The following DNMT1 variants were observed in gnomAD, a reference collection of about 807,000 sequenced individuals.
DNMT1 encodes DNA methyltransferase 1.
DNMT1 carries 24 observed loss-of-function variants against 205.3 expected under a neutral mutation model. The ratio of observed to expected loss-of-function variants is 0.12; its 90% CI spans 0.08 to 0.16. DNMT1 has a LOEUF of 0.16. Ranked by LOEUF, DNMT1 falls within the 10% of genes least tolerant of loss-of-function variation. The pLI is 1.00. For synonymous variants in DNMT1, 817 were observed against 839.8 expected (o/e 0.97, Z 0.47); for missense variants, 1,293 against 2,177.7 (o/e 0.59, Z 8.09).
Position 10,159,973 on chromosome 19 carries a change from G to T in DNMT1, c.1089+45C>A. The T allele has an allele frequency of 1.2e-6, 2 of 1,614,172 alleles. No homozygotes were observed. The highest frequency in any genetic ancestry group is 1.7e-6 in the Non-Finnish European group (2 of 1,180,034). On this transcript the variant is annotated intron_variant, in intron 15 of 40. Coordinates refer to ENST00000359526, the MANE Select transcript of DNMT1 (RefSeq NM_001130823.3). This position sits in a 1 kb window ranked among gnomAD's most constrained non-coding sequence, Gnocchi z 5.0. ...GGCACTCAGAGAGCAGCTCCCAGCC[G>T]CCTCGTGAGCGCCGCCACCGGCTTT...
At chr19:10,170,212 G>C (rs189946057) in intron 9 of DNMT1, among the ~76,000 whole-genome samples, 17 of 152,156 alleles carry the variant, frequency 1.1e-4, no homozygotes, top group African/African-American at 2.9e-4. Context: ...TGGAACCCAG[G>C]GGGTGGAGGT....
In DNMT1 at chr19:10,138,122, G is replaced by A. The variant is rs2089529511; in HGVS notation, c.4116-113C>T. 3.8e-6 allele frequency: 5 copies of A among 1,329,282 alleles called. No homozygotes were observed. Among genetic ancestry groups the A allele is most frequent in the Non-Finnish European group, 1.0e-6 (1 of 958,380 alleles). 82.3% of individuals were successfully genotyped at this position (1,329,282 alleles called of 1,614,324 possible). A position where few individuals can be genotyped will look rare whatever the true frequency, so the allele number is the denominator to read the frequency against. On this transcript the variant is annotated intron_variant, in intron 35 of 40. Coordinates refer to ENST00000359526, the MANE Select transcript of DNMT1 (RefSeq NM_001130823.3). This position sits in a 1 kb window ranked among gnomAD's most constrained non-coding sequence, Gnocchi z 4.1. ...GGCCTTCTCCCGAGATCACAGCACTGCCCGAGGTCACATGGGTGGCAGTGT... is the reference window on the plus strand; with the variant it reads ...GGCCTTCTCCCGAGATCACAGCACTACCCGAGGTCACATGGGTGGCAGTGT...
intron 24 of DNMT1, among the ~76,000 whole-genome samples, chr19:10,150,227 C>T (rs988125651): frequency 2.0e-5 from 3 of 152,184 alleles, no homozygotes; most frequent in Non-Finnish European, 2.9e-5. Context: ...ACTCGGGTCC[C>T]AGGATTTGAT....
chr19:10,160,183 G>A, intron 14 of DNMT1, 120 bp from the exon 15 acceptor site: 2 of 1,572,914 alleles, frequency 1.3e-6, no homozygotes, highest in East Asian at 2.3e-5. Context: ...GGCTGTGGCA[G>A]TGAGGCCCAG....
At position 10,163,083 on chromosome 19, in the gene DNMT1, T is replaced by G. The variant is rs577132075; in HGVS notation, c.926+243A>C. 5.1e-5 allele frequency: 29 copies of G among 570,512 alleles called. No individual in the cohort carries two copies. The East Asian group carries it at 8.5e-4, about 17-fold the overall frequency. The allele number at this position is 570,512 out of a possible 1,614,324, so 35.3% of individuals were successfully genotyped here. A position where few individuals can be genotyped will look rare whatever the true frequency, so the allele number is the denominator to read the frequency against. On this transcript the variant is annotated intron_variant, in intron 12 of 40. Coordinates refer to ENST00000359526, the MANE Select transcript of DNMT1 (RefSeq NM_001130823.3). ...GGCTTCTAGCAGTTCTGCCTCAGCC[T>G]TCCGAGTAGCTGGGATTATAGGCAC... is the stretch of plus-strand genomic sequence containing the variant.
At position 10,160,185 on chromosome 19, in the gene DNMT1, G is replaced by T; in HGVS notation, c.1044-122C>A. On this transcript the variant is annotated intron_variant, in intron 14 of 40. Transcript: ENST00000359526. The stretch of plus-strand genomic sequence containing the variant: ...ACAGGGAGGCACCGGCTGTGGCAGT[G>T]AGGCCCAGGCGCGTGGTCACAGTGG... 16 of 1,571,666 alleles carry T rather than the reference G, an allele frequency of 1.0e-5. 1 individual carries two copies. In the South Asian group the frequency reaches 1.8e-4, roughly 18 times the overall value.
chr19:10,156,062 TCACA>T lies in DNMT1; in HGVS notation c.1400-121_1400-118del. On this transcript the variant is annotated intron_variant, in intron 18 of 40. Coordinates refer to ENST00000359526, the MANE Select transcript of DNMT1 (RefSeq NM_001130823.3). This position sits in a 1 kb window ranked among gnomAD's most constrained non-coding sequence, Gnocchi z 4.2. ...AGCCAGGTCGGGTGCTCCTCAGTCA[TCACA>T]ATGACTTGGCCTACAGCTGCTCCTG... The T allele has an allele frequency of 4.8e-6, 5 of 1,043,222 alleles. No individual in the cohort carries two copies. The highest frequency in any genetic ancestry group is 7.2e-6 in the Non-Finnish European group (5 of 695,616). The allele number at this position is 1,043,222 out of a possible 1,614,324, so 64.6% of individuals were successfully genotyped here.
intron 26 of DNMT1, 87 bp from the exon 27 acceptor site, chr19:10,149,104 A>G: frequency 1.3e-6 from 2 of 1,561,980 alleles, no homozygotes; most frequent in Non-Finnish European, 1.7e-6. Flanking sequence ...CGGGTGGATC[A>G]CCTAAGGTCA....
chr19:10,151,775 T>A lies in DNMT1; in HGVS notation c.2092A>T (p.Ser698Cys), dbSNP rs1029809799. 2.5e-6 allele frequency: 4 copies of A among 1,614,186 alleles called. No individual in the cohort carries two copies. Among genetic ancestry groups the A allele is most frequent in the Non-Finnish European group, 3.4e-6 (4 of 1,180,038 alleles). Residue 698 changes from serine (S) to cysteine (C), a missense_variant, in exon 23 of 41, where the codon AGC (serine) becomes TGC (cysteine). This residue lies in a region of DNMT1 where 197 missense variants were observed against 353.6 expected (regional missense o/e 0.56). Transcript: ENST00000359526. This position sits in a 1 kb window ranked among gnomAD's most constrained non-coding sequence, Gnocchi z 5.0. Reference protein sequence around the residue: ...DMVKFGGSGRSKQACQERRCP... With the variant: ...DMVKFGGSGRCKQACQERRCP... ...CTCCGCTCTTGGCAAGCCTGCTTGC[T>A]CCGTCCACTGCCACCAAATTTAACC... is the stretch of plus-strand genomic sequence containing the variant.
At chr19:10,181,147 T>C (rs928113704) in intron 2 of DNMT1, among the ~76,000 whole-genome samples, 8 of 152,140 alleles carry the variant, frequency 5.3e-5, no homozygotes, top group African/African-American at 1.9e-4. Context: ...AATAATACTG[T>C]GCTTCTGTAA....
In DNMT1 at chr19:10,140,691, G is replaced by C. The variant is rs10408180; in HGVS notation, c.3523+90C>G. The C allele has an allele frequency of 2.9e-3, 4,637 of 1,606,126 alleles. 118 individuals are homozygous for C. The African/African-American group carries it at 0.054, about 19-fold the overall frequency. On this transcript the variant is annotated intron_variant, in intron 32 of 40. Coordinates refer to ENST00000359526, the MANE Select transcript of DNMT1 (RefSeq NM_001130823.3). This position sits in a 1 kb window ranked among gnomAD's most constrained non-coding sequence, Gnocchi z 8.4. ...CCTCGGAAGGAGATTCTTGAGTCAG[G>C]AAGGTGACCGGGGTTGGAAGTCGTT...
chr19:10,172,984 C>T, intron 9 of DNMT1, 106 bp downstream of exon 9: 1 of 1,328,754 alleles, frequency 7.5e-7, no homozygotes, highest in East Asian at 2.3e-5. Context: ...CAAAACCCAT[C>T]TTGTTCTTCC....
chr19:10,152,936 C>CG (rs1456214029), intron 22 of DNMT1, among the ~76,000 whole-genome samples: 1 of 72,588 alleles, frequency 1.4e-5, no homozygotes, highest in East Asian at 2.9e-4. Flanking sequence ...CCTGTCTCTA[C>CG]AAAAAAAAAA....
intron 28 of DNMT1, among the ~76,000 whole-genome samples, chr19:10,145,225 G>C (rs113415355): frequency 6.6e-6 from 1 of 152,232 alleles, no homozygotes; most frequent in African/African-American, 2.4e-5. Flanking sequence ...AGGCCCCCCA[G>C]GAGTCTGACG....
At chr19:10,171,518 A>G (rs1008345963) in intron 9 of DNMT1, among the ~76,000 whole-genome samples, 6 of 152,094 alleles carry the variant, frequency 3.9e-5, no homozygotes, top group African/African-American at 1.4e-4. Context: ...TAAAAACACA[A>G]AAATTGGCTA....
chr19:10,158,680 G>A (rs551957582), intron 17 of DNMT1, among the ~76,000 whole-genome samples: 2 of 152,270 alleles, frequency 1.3e-5, no homozygotes, highest in African/African-American at 4.8e-5. Flanking sequence ...GGTACGGGCC[G>A]GACGCCAGGC....
Position 10,154,539 on chromosome 19 carries a change from C to T in DNMT1, c.1832+47G>A. 4 of 1,614,046 alleles carry T rather than the reference C, an allele frequency of 2.5e-6. No homozygotes were observed. The highest frequency in any genetic ancestry group is 2.2e-5 in the South Asian group (2 of 91,082). On this transcript the variant is annotated intron_variant, in intron 21 of 40. Transcript: ENST00000359526. This position sits in a 1 kb window ranked among gnomAD's most constrained non-coding sequence, Gnocchi z 6.3. ...GACAGAGGATGTGGGCCATGCTCTA[C>T]CCTCCCCGGTCTCCAGTCTTCACTC...
At position 10,138,698 on chromosome 19, in the gene DNMT1, G is replaced by C; in HGVS notation, c.3949-93C>G. On this transcript the variant is annotated intron_variant, in intron 34 of 40. Transcript: ENST00000359526. The surrounding 1 kb of genome is among the most constrained non-coding windows in gnomAD (Gnocchi z 4.1). ...GGCCCAGGGTCAGCAGCCTGAGTCG[G>C]GAGTGGCTGGCCAATGCGGAGTGCA... 6.7e-7 allele frequency: 1 copy of C among 1,495,514 alleles called. No individual in the cohort carries two copies. The highest frequency in any genetic ancestry group is 2.4e-5 in the East Asian group (1 of 40,976). 92.6% of individuals were successfully genotyped at this position (1,495,514 alleles called of 1,614,324 possible).
chr19:10,169,946 T>C lies in DNMT1; in HGVS notation c.769-1582A>G, dbSNP rs1372729927. Among the ~76,000 whole-genome samples the C allele has an allele frequency of 2.6e-5, 4 of 152,164 alleles. No individual in the cohort carries two copies. The East Asian group carries it at 7.7e-4, about 29-fold the overall frequency. On this transcript the variant is annotated intron_variant, in intron 9 of 40. Transcript: ENST00000359526. ...ATTCGAGGTATGCACTGACTGCAAC[T>C]GCTGTCTAATTTAACTAGGATCAGG...
Sources: gnomAD v4.1 joint callset for allele counts (sites outside exome capture counted in the v4.1 genomes callset) on GRCh38, gnomAD v4.1.1 for gene constraint, gnomAD v4.1.1 regional missense constraint, Gnocchi (gnomAD v3.1) non-coding constraint, MANE v1.5 for transcripts, NCBI Gene and HGNC (gene_info 2026-07-23, HGNC 2026-07-21) for gene names.